SERPING1: variants seen among roughly 807,000 people sequenced by gnomAD.
SERPING1 encodes the protein plasma protease C1 inhibitor.
In SERPING1, 5 loss-of-function variants were observed where a neutral mutation model predicts 34.1. That is an observed-to-expected ratio of 0.15 (90% CI 0.08 to 0.31). SERPING1 has a LOEUF of 0.31. SERPING1 is among the 10% of genes least tolerant of loss of function. The pLI is 1.00. For synonymous variants in SERPING1, 225 were observed against 242.4 expected, an observed-to-expected ratio of 0.93 and a Z score of 0.67; for missense variants, 505 against 609.5, an observed-to-expected ratio of 0.83 and a Z score of 1.81.
At chr11:57,600,570 C>T (rs1945336502) in intron 3 of SERPING1, among the ~76,000 whole-genome samples, 193 bp downstream of exon 3, 1 of 152,110 alleles carries the variant, frequency 6.6e-6, no homozygotes, top group South Asian at 2.1e-4. Context: ...GTAATAGGCA[C>T]GATTGCTTGT....
In SERPING1 at chr11:57,614,695, G is replaced by A; in HGVS notation, c.*114G>A. ...CTGCCACCTCCTGCCTCAGGTGTCC[G>A]CTATCCACCAAAAGGGCTCCCTGAG... On this transcript the variant is annotated 3_prime_UTR_variant, in exon 8 of 8. Coordinates refer to ENST00000278407, the MANE Select transcript of SERPING1 (RefSeq NM_000062.3). The A allele has an allele frequency of 8.6e-6, 11 of 1,282,442 alleles. No individual in the cohort carries two copies. Among genetic ancestry groups the A allele is most frequent in the Admixed American group, 4.3e-5 (2 of 46,486 alleles). 79.4% of individuals were successfully genotyped at this position (1,282,442 alleles called of 1,614,324 possible).
At chr11:57,609,140 A>G (rs181983436) in intron 6 of SERPING1, among the ~76,000 whole-genome samples, 7 of 151,714 alleles carry the variant, frequency 4.6e-5, no homozygotes, top group Non-Finnish European at 8.9e-5. Context: ...TTAGCCAGGC[A>G]TGGTGGCACA....
In SERPING1 at chr11:57,598,364, G is replaced by A. The variant is rs1945311729; in HGVS notation, c.51+43G>A. 3.3e-6 allele frequency: 5 copies of A among 1,535,282 alleles called. No individual in the cohort carries two copies. The African/African-American group carries it at 5.5e-5, about 17-fold the overall frequency. On this transcript the variant is annotated intron_variant, in intron 2 of 7. Coordinates refer to ENST00000278407, the MANE Select transcript of SERPING1 (RefSeq NM_000062.3). ...GGATGGGGGACGGGGGTGGAGACGG[G>A]AGGCGGGATGGTGCGGGGTGCGGGC...
chr11:57,614,646 C>T lies in SERPING1; in HGVS notation c.*65C>T. Reference sequence around the variant, plus strand: ...GCCTCAGCTCTCAGTTGCAGCCCTGCTGCTGCCTGCCTGGACTTGGCCCCT... The same window carrying T: ...GCCTCAGCTCTCAGTTGCAGCCCTGTTGCTGCCTGCCTGGACTTGGCCCCT... On this transcript the variant is annotated 3_prime_UTR_variant, in exon 8 of 8. Coordinates refer to ENST00000278407, the MANE Select transcript of SERPING1 (RefSeq NM_000062.3). 2 of 1,573,896 alleles carry T rather than the reference C, an allele frequency of 1.3e-6. No individual in the cohort carries two copies. Among genetic ancestry groups the T allele is most frequent in the Non-Finnish European group, 8.6e-7 (1 of 1,164,186 alleles).
At chr11:57,606,705 C>A in intron 6 of SERPING1, 158 bp downstream of exon 6, 1 of 866,152 alleles carries the variant, frequency 1.2e-6, no homozygotes, top group South Asian at 1.3e-5. Context: ...CTTCTCCTTT[C>A]TCTAGCCTTG....
At chr11:57,610,198 A>C (rs1490714559) in intron 6 of SERPING1, among the ~76,000 whole-genome samples, 2 of 152,260 alleles carry the variant, frequency 1.3e-5, no homozygotes, top group Non-Finnish European at 2.9e-5. Flanking sequence ...CCCTGAACTT[A>C]ACACCTGGTT....
chr11:57,598,928 TGTGC>T (rs1180302028), intron 2 of SERPING1, among the ~76,000 whole-genome samples: 3 of 124,706 alleles, frequency 2.4e-5, no homozygotes, highest in Non-Finnish European at 4.9e-5. Flanking sequence ...GGTGTGTGTA[TGTGC>T]GTGTGTGTGT....
At chr11:57,609,303 G>A (rs1945449915) in intron 6 of SERPING1, among the ~76,000 whole-genome samples, 1 of 152,044 alleles carries the variant, frequency 6.6e-6, no homozygotes, top group Non-Finnish European at 1.5e-5. Context: ...AATAGGCTGG[G>A]TACAGTGGCT....
chr11:57,613,566 C>G (rs1945504170), intron 7 of SERPING1, among the ~76,000 whole-genome samples: 1 of 152,234 alleles, frequency 6.6e-6, no homozygotes, highest in African/African-American at 2.4e-5. Flanking sequence ...AGGGCAAAAT[C>G]TGGAAGGGTC....
chr11:57,599,593 A>G (rs928728211), intron 2 of SERPING1, among the ~76,000 whole-genome samples: 2 of 152,244 alleles, frequency 1.3e-5, no homozygotes, highest in African/African-American at 2.4e-5. Flanking sequence ...TTGGAAAACA[A>G]CTTCCTACAG....
At chr11:57,612,347 G>A (rs1397552468) in intron 7 of SERPING1, among the ~76,000 whole-genome samples, 1 of 151,998 alleles carries the variant, frequency 6.6e-6, no homozygotes, top group African/African-American at 2.4e-5. Flanking sequence ...GAAGCTATCT[G>A]GAAGTGCAGA....
At position 57,600,175 on chromosome 11, in the gene SERPING1, G is replaced by A. The variant is rs1035864750; in HGVS notation, c.348G>A (p.Gln116=). The change falls in exon 3 of 8, where the codon CAG becomes CAA. Residue 116 remains glutamine, a synonymous_variant. Coordinates refer to ENST00000278407, the MANE Select transcript of SERPING1 (RefSeq NM_000062.3). ...AGCTCCCAACAGATTCTCCTACCCA[G>A]CCCACTACTGGGTCCTTCTGCCCAG... ...TTQLPTDSPT[Q]PTTGSFCPGP... 2.0e-6 allele frequency: 3 copies of A among 1,483,904 alleles called. No homozygotes were observed. Among genetic ancestry groups the A allele is most frequent in the African/African-American group, 1.5e-5 (1 of 68,384 alleles). The allele number at this position is 1,483,904 out of a possible 1,614,324, so 91.9% of individuals were successfully genotyped here.
In SERPING1 at chr11:57,614,371, A is replaced by G. The variant is rs755491309; in HGVS notation, c.1293A>G (p.Thr431=). The G allele has an allele frequency of 8.1e-6, 13 of 1,614,096 alleles. No homozygotes were observed. The highest frequency in any genetic ancestry group is 2.2e-5 in the South Asian group (2 of 91,088). ...FSYDLNLCGL[T]EDPDLQVSAM... ...ATGACCTTAACCTGTGTGGGCTGAC[A>G]GAGGACCCAGATCTTCAGGTTTCTG... The change falls in exon 8 of 8, where the codon ACA becomes ACG. Residue 431 remains threonine (T), a synonymous_variant. Transcript: ENST00000278407.
chr11:57,608,049 A>G (rs899225294), intron 6 of SERPING1, among the ~76,000 whole-genome samples: 13 of 152,224 alleles, frequency 8.5e-5, no homozygotes, highest in African/African-American at 2.7e-4. Context: ...AATGTATTTG[A>G]CCATTCATGA....
At chr11:57,599,301 C>CT (rs1251183988) in intron 2 of SERPING1, among the ~76,000 whole-genome samples, 1 of 152,164 alleles carries the variant, frequency 6.6e-6, no homozygotes, top group Admixed American at 6.5e-5. Context: ...CAAATATCCC[C>CT]TGGGAGTCAA....
At position 57,600,337 on chromosome 11, in the gene SERPING1, C is replaced by A; in HGVS notation, c.510C>A (p.Ser170=). ...MKKVETNMAF[S]PFSIASLLTQ... Reference sequence around the variant, plus strand: ...AGGTGGAGACCAACATGGCCTTTTCCCCATTCAGCATCGCCAGCCTCCTTA... The same window carrying A: ...AGGTGGAGACCAACATGGCCTTTTCACCATTCAGCATCGCCAGCCTCCTTA... The change falls in exon 3 of 8, where the codon TCC becomes TCA. Residue 170 remains serine (S), a synonymous_variant. Coordinates refer to ENST00000278407, the MANE Select transcript of SERPING1 (RefSeq NM_000062.3). The A allele has an allele frequency of 1.9e-6, 3 of 1,612,986 alleles. No homozygotes were observed. Among genetic ancestry groups the A allele is most frequent in the Non-Finnish European group, 2.5e-6 (3 of 1,180,044 alleles).
intron 4 of SERPING1, among the ~76,000 whole-genome samples, chr11:57,603,567 G>A (rs1232644687): frequency 1.2e-4 from 18 of 151,490 alleles, no homozygotes; most frequent in South Asian, 2.1e-4. Context: ...GGCCGGGCGC[G>A]GTGGCTCATG....
intron 7 of SERPING1, among the ~76,000 whole-genome samples, chr11:57,614,116 G>T (rs185622107): frequency 4.6e-5 from 7 of 152,172 alleles, no homozygotes; most frequent in Non-Finnish European, 8.8e-5. Context: ...GAGGGGCAAG[G>T]CCTCTCACCT....
At chr11:57,607,048 A>G (rs974778075) in intron 6 of SERPING1, among the ~76,000 whole-genome samples, 2 of 152,244 alleles carry the variant, frequency 1.3e-5, no homozygotes, top group Admixed American at 6.5e-5. Flanking sequence ...GGAGGGAGAG[A>G]AGACAGAATA....
Sources: allele counts gnomAD v4.1 joint callset (sites outside exome capture counted in the v4.1 genomes callset), GRCh38; gene constraint gnomAD v4.1.1; transcripts MANE v1.5; gene names NCBI Gene and HGNC (gene_info 2026-07-23, HGNC 2026-07-21).